GRXCR2: variants seen among roughly 807,000 people sequenced by gnomAD.
GRXCR2 encodes glutaredoxin domain-containing cysteine-rich protein 2.
GRXCR2 carries 23 observed loss-of-function variants against 24.8 expected under a neutral mutation model. The ratio of observed to expected loss-of-function variants is 0.93; its 90% CI spans 0.67 to 1.32. The LOEUF (loss-of-function observed/expected upper bound fraction) is 1.32, where lower values mean the gene tolerates loss of function less well. Among genes scored for constraint, GRXCR2 ranks in the 40% most tolerant of loss-of-function variants. The pLI is 0.00. For synonymous variants in GRXCR2, 130 were observed against 116.1 expected (o/e 1.12, Z -0.77); for missense variants, 315 against 303.4 (o/e 1.04, Z -0.28).
At chr5:145,863,199 G>A (rs759441283) in intron 2 of GRXCR2, among the ~76,000 whole-genome samples, 16 of 152,132 alleles carry the variant, frequency 1.1e-4, no homozygotes, top group East Asian at 1.9e-4. Context: ...CTGCTGCCCC[G>A]TTCCATCTAA....
At chr5:145,879,367 C>T (rs1393278225) in intron 2 of GRXCR2, among the ~76,000 whole-genome samples, 1 of 93,482 alleles carries the variant, frequency 1.1e-5, no homozygotes, top group African/African-American at 4.1e-5. Context: ...AGCAAATGCA[C>T]AGCAAAAAAA....
chr5:145,907,444 G>A (rs780557789), intron 2 of GRXCR2, among the ~76,000 whole-genome samples: 1 of 151,948 alleles, frequency 6.6e-6, no homozygotes, highest in African/African-American at 2.4e-5. Context: ...CAGGAGAATC[G>A]CTGGAACCCA....
At chr5:145,901,193 C>T (rs1350468780) in intron 2 of GRXCR2, among the ~76,000 whole-genome samples, 1 of 151,858 alleles carries the variant, frequency 6.6e-6, no homozygotes, top group Non-Finnish European at 1.5e-5. Flanking sequence ...ATAACTATTG[C>T]ATACTATGTT....
intron 2 of GRXCR2, among the ~76,000 whole-genome samples, chr5:145,889,179 A>AGAAG (rs1756822877): frequency 9.8e-6 from 1 of 102,144 alleles, no homozygotes; most frequent in African/African-American, 4.0e-5. Context: ...AAAAAAAGAA[A>AGAAG]GAAAGAAAGA....
chr5:145,893,513 A>G (rs1756902045), intron 2 of GRXCR2, among the ~76,000 whole-genome samples: 2 of 152,332 alleles, frequency 1.3e-5, no homozygotes, highest in Admixed American at 6.5e-5. Flanking sequence ...CTTTAAACCA[A>G]CAAAGGTCAA....
At chr5:145,894,168 A>T (rs1386092329) in intron 2 of GRXCR2, among the ~76,000 whole-genome samples, 1 of 152,214 alleles carries the variant, frequency 6.6e-6, no homozygotes, top group Non-Finnish European at 1.5e-5. Context: ...CTCAATGCCC[A>T]CAAGAGAAAG....
chr5:145,917,595 G>A (rs932773856), intron 2 of GRXCR2, among the ~76,000 whole-genome samples: 5 of 152,096 alleles, frequency 3.3e-5, no homozygotes, highest in Non-Finnish European at 5.9e-5. Flanking sequence ...AGACAGTGAG[G>A]AATGACCCCA....
rs1261505503 is a variant in GRXCR2 at position 145,859,477 on chromosome 5, A to T, written c.*256T>A. Reference sequence around the variant, plus strand: ...GCTAAGTCAAGTGAGATACACTCACACCATCCTGGAAGGATAATTTTAGAA... The same window carrying T: ...GCTAAGTCAAGTGAGATACACTCACTCCATCCTGGAAGGATAATTTTAGAA... On this transcript the variant is annotated 3_prime_UTR_variant, in exon 3 of 3. Coordinates refer to ENST00000377976, the MANE Select transcript of GRXCR2 (RefSeq NM_001080516.2). 1.9e-6 allele frequency: 1 copy of T among 524,688 alleles called. No homozygotes were observed. Among genetic ancestry groups the T allele is most frequent in the Admixed American group, 3.5e-5 (1 of 28,832 alleles). The allele number at this position is 524,688 out of a possible 1,614,324, so 32.5% of individuals were successfully genotyped here.
chr5:145,899,668 T>C (rs1331247443), intron 2 of GRXCR2, among the ~76,000 whole-genome samples: 4 of 152,074 alleles, frequency 2.6e-5, no homozygotes, highest in African/African-American at 9.7e-5. Context: ...TGAAAAAGAC[T>C]CCCTATTCAA....
At chr5:145,860,671 A>G (rs1223910963) in intron 2 of GRXCR2, among the ~76,000 whole-genome samples, 2 of 152,162 alleles carry the variant, frequency 1.3e-5, no homozygotes, top group Non-Finnish European at 2.9e-5. Context: ...GCTAAGGCCC[A>G]GTGATTAAGA....
intron 2 of GRXCR2, among the ~76,000 whole-genome samples, chr5:145,905,185 T>C (rs553164114): frequency 6.6e-6 from 1 of 152,312 alleles, no homozygotes; most frequent in Admixed American, 6.5e-5. Flanking sequence ...TTGACTGATA[T>C]AGAGTCAATA....
intron 1 of GRXCR2, among the ~76,000 whole-genome samples, chr5:145,869,413 C>T (rs1756489708): frequency 6.6e-6 from 1 of 152,098 alleles, no homozygotes; most frequent in Non-Finnish European, 1.5e-5. Flanking sequence ...TTATTTATAA[C>T]CTTTTTCTCT....
chr5:145,866,323 T>C (rs940636530), intron 2 of GRXCR2, among the ~76,000 whole-genome samples, 178 bp downstream of exon 2: 1 of 152,222 alleles, frequency 6.6e-6, no homozygotes, highest in Non-Finnish European at 1.5e-5. Flanking sequence ...ATAACTGCTA[T>C]TGCTAACAAT....
intron 2 of GRXCR2, among the ~76,000 whole-genome samples, chr5:145,903,126 G>T (rs1017482827): frequency 6.6e-6 from 1 of 152,166 alleles, no homozygotes; most frequent in Non-Finnish European, 1.5e-5. Flanking sequence ...ACAGTACAGG[G>T]TAATGCAAAG....
intron 1 of GRXCR2, among the ~76,000 whole-genome samples, chr5:145,870,832 T>C (rs1405666336): frequency 6.6e-6 from 1 of 152,156 alleles, no homozygotes; most frequent in Non-Finnish European, 1.5e-5. Context: ...ACAGAGATAA[T>C]GAGGCCAAGC....
intron 2 of GRXCR2, among the ~76,000 whole-genome samples, chr5:145,860,925 C>T (rs191857999): frequency 5.3e-5 from 8 of 152,204 alleles, no homozygotes; most frequent in Non-Finnish European, 1.5e-5. Flanking sequence ...TCTTGACTCC[C>T]ACTCTTCAGA....
At chr5:145,918,551 A>T (rs1409263909) in intron 2 of GRXCR2, among the ~76,000 whole-genome samples, 1 of 152,214 alleles carries the variant, frequency 6.6e-6, no homozygotes, top group Non-Finnish European at 1.5e-5. Flanking sequence ...GGGCATGGGG[A>T]AAGGTCAAAG....
chr5:145,887,457 G>T (rs1756793596), intron 2 of GRXCR2, among the ~76,000 whole-genome samples: 1 of 152,150 alleles, frequency 6.6e-6, no homozygotes, highest in Non-Finnish European at 1.5e-5. Flanking sequence ...GAACTTTGTG[G>T]AAACATTTAT....
At chr5:145,868,113 G>A (rs926746390) in intron 1 of GRXCR2, among the ~76,000 whole-genome samples, 12 of 152,150 alleles carry the variant, frequency 7.9e-5, no homozygotes, top group South Asian at 2.1e-4. Flanking sequence ...GAGGTACCAC[G>A]AAAAACATAT....
Sources: allele counts gnomAD v4.1 joint callset (sites outside exome capture counted in the v4.1 genomes callset), GRCh38; gene constraint gnomAD v4.1.1; transcripts MANE v1.5; gene names NCBI Gene and HGNC (gene_info 2026-07-23, HGNC 2026-07-21).